NR3C1: variants seen among roughly 807,000 people sequenced by gnomAD.
NR3C1 encodes glucocorticoid receptor.
A neutral mutation model predicts 74.0 loss-of-function variants in NR3C1; 14 were observed. The ratio of observed to expected loss-of-function variants is 0.19; its 90% CI spans 0.12 to 0.30. The LOEUF is 0.30. Among genes scored for constraint, NR3C1 ranks in the 10% least tolerant of loss-of-function variants. The pLI is 1.00. For missense variants in NR3C1, 695 were observed against 909.8 expected, an observed-to-expected ratio of 0.76 and a Z score of 3.04; for synonymous variants, 308 against 332.5, an observed-to-expected ratio of 0.93 and a Z score of 0.80.
chr5:143,403,729 C>A, upstream of NR3C1: 1 of 985,130 alleles, frequency 1.0e-6, no homozygotes, highest in Non-Finnish European at 1.2e-6. Context: ...TCCCACTCCA[C>A]CCCCGGCCGC....
chr5:143,327,097 G>C (rs1221334471), intron 2 of NR3C1, among the ~76,000 whole-genome samples: 1 of 152,102 alleles, frequency 6.6e-6, no homozygotes. Flanking sequence ...TACTATCTGA[G>C]ACTGGGTAAT....
chr5:143,309,862 G>A (rs1013458019), intron 4 of NR3C1, among the ~76,000 whole-genome samples: 3 of 152,204 alleles, frequency 2.0e-5, no homozygotes, highest in African/African-American at 7.2e-5. Context: ...TTTGTATATA[G>A]TCTGGCTGTA....
chr5:143,400,910 T>C, intron 1 of NR3C1, 58 bp from the exon 2 acceptor site: 1 of 1,300,864 alleles, frequency 7.7e-7, no homozygotes, highest in South Asian at 1.2e-5. Context: ...AGTCACATTA[T>C]CTTCCTGATC....
chr5:143,431,464 G>A (rs886536652), intron 1 of NR3C1, among the ~76,000 whole-genome samples: 2 of 152,034 alleles, frequency 1.3e-5, no homozygotes, highest in Non-Finnish European at 2.9e-5. Context: ...TGTGGACACA[G>A]GGAGGGGAAC....
In NR3C1 at chr5:143,400,423, G is replaced by C. The variant is rs777781173; in HGVS notation, c.417C>G (p.Pro139=). 4.3e-6 allele frequency: 7 copies of C among 1,614,148 alleles called. No individual in the cohort carries two copies. Among genetic ancestry groups the C allele is most frequent in the Admixed American group, 3.3e-5 (2 of 60,026 alleles). ...LNRSTSVPEN[P]KSSASTAVSA... is the part of the protein sequence containing the mutation. ...ACACAGCAGTGGATGCTGAACTCTT[G>C]GGGTTCTCTGGAACACTGGTCGACC... is the stretch of plus-strand genomic sequence containing the variant. Residue 139 remains proline (P), a synonymous_variant, in exon 2 of 9, where the codon CCC becomes CCG. Coordinates refer to ENST00000394464, the MANE Select transcript of NR3C1 (RefSeq NM_000176.3).
At chr5:143,416,160 C>T (rs550802414) in intron 1 of NR3C1, among the ~76,000 whole-genome samples, 1 of 152,246 alleles carries the variant, frequency 6.6e-6, no homozygotes, top group South Asian at 2.1e-4. Flanking sequence ...GTTTTACTTG[C>T]CAAGTATCCC....
chr5:143,288,473 G>T (rs545537141), intron 7 of NR3C1, among the ~76,000 whole-genome samples: 1 of 151,626 alleles, frequency 6.6e-6, no homozygotes, highest in South Asian at 2.1e-4. Flanking sequence ...TAGATTCAAG[G>T]CTATCCTAAT....
intron 4 of NR3C1, among the ~76,000 whole-genome samples, chr5:143,308,342 G>A (rs1191996996): frequency 6.6e-6 from 1 of 152,102 alleles, no homozygotes; most frequent in African/African-American, 2.4e-5. Flanking sequence ...GCTGGGCATG[G>A]TAGTGTACAT....
chr5:143,422,645 C>A (rs891868194), intron 1 of NR3C1, among the ~76,000 whole-genome samples: 1 of 152,138 alleles, frequency 6.6e-6, no homozygotes, highest in Non-Finnish European at 1.5e-5. Context: ...GAGAAGATGG[C>A]TGTCCATTTG....
intron 2 of NR3C1, among the ~76,000 whole-genome samples, chr5:143,381,397 A>G (rs192771090): frequency 1.3e-5 from 2 of 152,270 alleles, no homozygotes; most frequent in African/African-American, 4.8e-5. Flanking sequence ...TGCAATCTTT[A>G]TTAATAAATA....
Position 143,281,721 on chromosome 5 carries a change from C to T in NR3C1, c.*168G>A, listed in dbSNP as rs746395759. 2 of 651,490 alleles carry T rather than the reference C, an allele frequency of 3.1e-6. No homozygotes were observed. Among genetic ancestry groups the T allele is most frequent in the Non-Finnish European group, 5.2e-6 (2 of 387,204 alleles). The allele number at this position is 651,490 out of a possible 1,614,324, so 40.4% of individuals were successfully genotyped here. On this transcript the variant is annotated 3_prime_UTR_variant, in exon 9 of 9. Coordinates refer to ENST00000394464, the MANE Select transcript of NR3C1 (RefSeq NM_000176.3). ...GATGACGACTCAACTGCTTCTGTTG[C>T]CAAGTCTTGGCCCTCTATAAACCAC...
At chr5:143,381,133 T>C (rs1836151937) in intron 2 of NR3C1, among the ~76,000 whole-genome samples, 1 of 152,146 alleles carries the variant, frequency 6.6e-6, no homozygotes, top group Admixed American at 6.5e-5. Flanking sequence ...CTGTGGCATT[T>C]CTAGATGCCA....
At chr5:143,406,411 A>G (rs1321739776), upstream of NR3C1, among the ~76,000 whole-genome samples, 1 of 150,834 alleles carries the variant, frequency 6.6e-6, no homozygotes, top group Non-Finnish European at 1.5e-5. Context: ...AATTGAGCAA[A>G]AAAAAAAAAA....
At chr5:143,408,132 G>GAA (rs1380815045), upstream of NR3C1, among the ~76,000 whole-genome samples, 1 of 152,082 alleles carries the variant, frequency 6.6e-6, no homozygotes, top group Non-Finnish European at 1.5e-5. Context: ...CCCACTGACT[G>GAA]GAGTTCCATG....
At chr5:143,416,198 C>T (rs1268353397) in intron 1 of NR3C1, among the ~76,000 whole-genome samples, 2 of 152,172 alleles carry the variant, frequency 1.3e-5, no homozygotes, top group African/African-American at 2.4e-5. Flanking sequence ...TAGGACCTAA[C>T]ATTTCCTTTG....
At chr5:143,374,378 C>T (rs187359617) in intron 2 of NR3C1, among the ~76,000 whole-genome samples, 1 of 151,974 alleles carries the variant, frequency 6.6e-6, no homozygotes, top group East Asian at 1.9e-4. Context: ...GTAGTCCCAG[C>T]TACATGGGAG....
chr5:143,319,158 C>T (rs1822797139), intron 2 of NR3C1, among the ~76,000 whole-genome samples: 1 of 152,124 alleles, frequency 6.6e-6, no homozygotes, highest in South Asian at 2.1e-4. Flanking sequence ...CAATTCATAA[C>T]CTAATTCTAC....
At chr5:143,385,199 C>T (rs1453730755) in intron 2 of NR3C1, among the ~76,000 whole-genome samples, 4 of 152,210 alleles carry the variant, frequency 2.6e-5, no homozygotes, top group South Asian at 2.1e-4. Context: ...CAGAGAGCAG[C>T]GCAACCCTGG....
chr5:143,384,973 A>G (rs556716639), intron 2 of NR3C1, among the ~76,000 whole-genome samples: 2 of 152,324 alleles, frequency 1.3e-5, no homozygotes, highest in East Asian at 1.9e-4. Flanking sequence ...GAATGCATGG[A>G]CATCCAGGCA....
Sources: gnomAD v4.1 joint callset for allele counts (sites outside exome capture counted in the v4.1 genomes callset) on GRCh38, gnomAD v4.1.1 for gene constraint, MANE v1.5 for transcripts, NCBI Gene and HGNC (gene_info 2026-07-23, HGNC 2026-07-21) for gene names.